ENAH: variants seen among roughly 807,000 people sequenced by gnomAD.
The protein encoded by ENAH is ENAH actin regulator.
In ENAH, 23 loss-of-function variants were observed where a neutral mutation model predicts 78.7. The observed-to-expected ratio is 0.29, with a 90% CI of 0.21 to 0.41. The LOEUF is 0.41. Among genes scored for constraint, ENAH ranks in the 10% least tolerant of loss-of-function variants. ENAH has a pLI of 1.00. For missense variants in ENAH, 544 were observed against 691.0 expected, an observed-to-expected ratio of 0.79 and a Z score of 2.39; for synonymous variants, 226 against 241.0, an observed-to-expected ratio of 0.94 and a Z score of 0.58.
At chr1:225,517,661 T>C in intron 5 of ENAH, 1 of 1,550,618 alleles carries the variant, frequency 6.4e-7, no homozygotes, top group South Asian at 1.2e-5. Context: ...GCACAGGGCT[T>C]CGTAGCTGGA....
intron 3 of ENAH, among the ~76,000 whole-genome samples, chr1:225,546,074 C>A (rs959183505): frequency 6.6e-6 from 1 of 151,854 alleles, no homozygotes; most frequent in Non-Finnish European, 1.5e-5. Context: ...TAGATGTACG[C>A]CATCATGCCC....
chr1:225,515,692 G>T (rs1476941612), intron 6 of ENAH, among the ~76,000 whole-genome samples: 1 of 152,200 alleles, frequency 6.6e-6, no homozygotes, highest in Admixed American at 6.5e-5. Context: ...TTTAAGAGGG[G>T]TGTTTTCAGA....
chr1:225,640,482 TACTC>T (rs762121176), intron 1 of ENAH, among the ~76,000 whole-genome samples: 25 of 152,170 alleles, frequency 1.6e-4, no homozygotes, highest in Non-Finnish European at 3.4e-4. Context: ...AAAAATAAAT[TACTC>T]ACTCACACAT....
intron 4 of ENAH, among the ~76,000 whole-genome samples, chr1:225,528,931 TA>T (rs1642056588): frequency 2.6e-5 from 4 of 152,040 alleles, no homozygotes; most frequent in Admixed American, 6.6e-5. Context: ...ATCCCCACCA[TA>T]CAATCCACCA....
At chr1:225,575,020 T>C (rs2096781794) in intron 1 of ENAH, among the ~76,000 whole-genome samples, 1 of 152,078 alleles carries the variant, frequency 6.6e-6, no homozygotes, top group African/African-American at 2.4e-5. Flanking sequence ...ATGTGCTATA[T>C]ACTGTGTTAA....
At chr1:225,548,974 C>T (rs920870302) in intron 3 of ENAH, among the ~76,000 whole-genome samples, 19 of 151,982 alleles carry the variant, frequency 1.3e-4, no homozygotes, top group Admixed American at 2.6e-4. Flanking sequence ...ATCGGCCTCC[C>T]GAGTAATTGG....
chr1:225,615,220 TTTTCGGTGGAGACGGGG>T lies in ENAH; in HGVS notation c.5+37449_5+37465del, dbSNP rs372040913. 1.5e-3 allele frequency among the ~76,000 whole-genome samples: 229 copies of T among 152,324 alleles called. 1 individual carries two copies. The highest frequency in any genetic ancestry group is 5.2e-3 in the African/African-American group (216 of 41,584). On this transcript the variant is annotated intron_variant, in intron 1 of 13. Transcript: ENST00000366843. The stretch of plus-strand genomic sequence containing the variant: ...GCCACGCCTGACTGGTTTTTGTATT[TTTTCGGTGGAGACGGGG>T]TTTCGCCGTGTTGGCCCGACTGGTC...
chr1:225,536,021 C>T (rs1465615565), intron 3 of ENAH, among the ~76,000 whole-genome samples: 1 of 152,012 alleles, frequency 6.6e-6, no homozygotes, highest in Non-Finnish European at 1.5e-5. Context: ...CTCATTCCTA[C>T]TAGTTGGAAA....
intron 1 of ENAH, among the ~76,000 whole-genome samples, chr1:225,634,145 T>C (rs1332893174): frequency 6.6e-6 from 1 of 152,232 alleles, no homozygotes; most frequent in African/African-American, 2.4e-5. Context: ...TGATTTTCTT[T>C]CTTGAAACTG....
intron 12 of ENAH, 43 bp from the exon 13 acceptor site, chr1:225,498,447 A>T: frequency 1.7e-6 from 2 of 1,211,584 alleles, no homozygotes; most frequent in Non-Finnish European, 2.4e-6. Context: ...GAACAAAATT[A>T]CCACTAAAGA....
intron 1 of ENAH, among the ~76,000 whole-genome samples, chr1:225,633,098 A>G (rs559335263): frequency 6.6e-6 from 1 of 150,502 alleles, no homozygotes; most frequent in South Asian, 2.1e-4. Flanking sequence ...GCTGAAGTGC[A>G]GTGGCGCAAT....
intron 1 of ENAH, among the ~76,000 whole-genome samples, chr1:225,616,572 T>C (rs1314043060): frequency 6.8e-6 from 1 of 146,932 alleles, no homozygotes; most frequent in Non-Finnish European, 1.6e-5. Context: ...ATATATAGTA[T>C]TTATAATTAT....
intron 11 of ENAH, among the ~76,000 whole-genome samples, chr1:225,507,647 CTGT>C (rs1291895182): frequency 1.3e-5 from 2 of 152,062 alleles, no homozygotes; most frequent in African/African-American, 2.4e-5. Flanking sequence ...CGCATATTCA[CTGT>C]ACTATCCTTT....
chr1:225,649,857 T>A (rs1662648719), intron 1 of ENAH, among the ~76,000 whole-genome samples: 1 of 152,198 alleles, frequency 6.6e-6, no homozygotes, highest in Non-Finnish European at 1.5e-5. Flanking sequence ...CATCATATCC[T>A]CTGTTCAGGA....
intron 3 of ENAH, among the ~76,000 whole-genome samples, chr1:225,553,415 T>C (rs2096651184): frequency 6.6e-6 from 1 of 152,076 alleles, no homozygotes; most frequent in Admixed American, 6.6e-5. Context: ...CTAATATCAG[T>C]AACATTTAGT....
At chr1:225,543,232 C>G (rs1399169658) in intron 3 of ENAH, among the ~76,000 whole-genome samples, 1 of 152,118 alleles carries the variant, frequency 6.6e-6, no homozygotes, top group East Asian at 1.9e-4. Flanking sequence ...GGACTGATTT[C>G]AAGGCTTGAG....
At chr1:225,613,606 A>C (rs917359091) in intron 1 of ENAH, among the ~76,000 whole-genome samples, 4 of 152,198 alleles carry the variant, frequency 2.6e-5, no homozygotes, top group Non-Finnish European at 5.9e-5. Flanking sequence ...AAAATGTGTA[A>C]CTTTGCTAGA....
intron 1 of ENAH, among the ~76,000 whole-genome samples, chr1:225,650,223 GCT>G (rs1357482871): frequency 1.3e-5 from 2 of 152,082 alleles, no homozygotes; most frequent in Non-Finnish European, 2.9e-5. Context: ...CCTCTTTCCT[GCT>G]CTTATTCAAA....
intron 1 of ENAH, among the ~76,000 whole-genome samples, chr1:225,648,352 A>G (rs1402950310): frequency 6.6e-6 from 1 of 152,188 alleles, no homozygotes; most frequent in Non-Finnish European, 1.5e-5. Flanking sequence ...CAAGTTATAC[A>G]ATCACCTGTT....
Sources: allele counts gnomAD v4.1 joint callset (sites outside exome capture counted in the v4.1 genomes callset), GRCh38; gene constraint gnomAD v4.1.1; transcripts MANE v1.5; gene names NCBI Gene and HGNC (gene_info 2026-07-23, HGNC 2026-07-21).